The following CADM1 variants were observed in gnomAD, a reference collection of about 807,000 sequenced individuals.
CADM1 encodes the protein cell adhesion molecule 1.
A neutral mutation model predicts 53.1 loss-of-function variants in CADM1; 15 were observed. That is an observed-to-expected ratio of 0.28 (90% CI 0.19 to 0.44). The LOEUF (loss-of-function observed/expected upper bound fraction) is 0.44. Ranked by LOEUF, CADM1 falls within the 20% of genes least tolerant of loss-of-function variation. The probability of loss-of-function intolerance (pLI) is 1.00; values close to 1 mark genes in which losing one functional copy is unlikely to be tolerated. For missense variants in CADM1, 434 were observed against 611.3 expected, an observed-to-expected ratio of 0.71 and a Z score of 3.06; for synonymous variants, 281 against 243.0, an observed-to-expected ratio of 1.16 and a Z score of -1.45.
intron 1 of CADM1, among the ~76,000 whole-genome samples, chr11:115,476,576 A>G (rs1426661238): frequency 6.6e-6 from 1 of 152,190 alleles, no homozygotes; most frequent in Non-Finnish European, 1.5e-5. Flanking sequence ...GTGGTAGGAG[A>G]ACATGATCCT....
chr11:115,376,224 T>C (rs1297832179), intron 1 of CADM1, among the ~76,000 whole-genome samples: 1 of 152,164 alleles, frequency 6.6e-6, no homozygotes, highest in Non-Finnish European at 1.5e-5. Flanking sequence ...TGCTATAAGC[T>C]CTGGCTACCA....
chr11:115,327,322 A>G (rs1591711244), intron 1 of CADM1, among the ~76,000 whole-genome samples: 1 of 152,098 alleles, frequency 6.6e-6, no homozygotes, highest in Non-Finnish European at 1.5e-5. Context: ...CCATGCAGCC[A>G]ATTTTCCAGC....
intron 1 of CADM1, among the ~76,000 whole-genome samples, chr11:115,360,831 G>C (rs564409072): frequency 1.1e-4 from 16 of 152,014 alleles, no homozygotes; most frequent in Admixed American, 2.0e-4. Context: ...ATCTTACTAG[G>C]TTCCTAAAAC....
At chr11:115,309,994 A>C (rs1944487757) in intron 1 of CADM1, among the ~76,000 whole-genome samples, 1 of 152,152 alleles carries the variant, frequency 6.6e-6, no homozygotes, top group South Asian at 2.1e-4. Flanking sequence ...TTAATGCAGA[A>C]TGGCATGGTA....
intron 3 of CADM1, among the ~76,000 whole-genome samples, chr11:115,232,472 C>T (rs551555344): frequency 2.1e-4 from 32 of 152,196 alleles, no homozygotes; most frequent in African/African-American, 6.5e-4. Context: ...TCCAGTGCTC[C>T]AATTTTGGAA....
intron 1 of CADM1, among the ~76,000 whole-genome samples, chr11:115,305,582 C>T (rs763999582): frequency 1.6e-4 from 25 of 151,914 alleles, no homozygotes; most frequent in African/African-American, 4.3e-4. Context: ...CATTGGCTGG[C>T]CACAATGAAA....
intron 1 of CADM1, among the ~76,000 whole-genome samples, chr11:115,476,570 TAGG>T (rs1949136297): frequency 6.6e-6 from 1 of 152,190 alleles, no homozygotes; most frequent in South Asian, 2.1e-4. Context: ...CGCTGCGTGG[TAGG>T]AGAACATGAT....
At chr11:115,317,999 CA>C (rs1944717323) in intron 1 of CADM1, among the ~76,000 whole-genome samples, 1 of 151,780 alleles carries the variant, frequency 6.6e-6, no homozygotes, top group Non-Finnish European at 1.5e-5. Context: ...CACACACACA[CA>C]CACACACACA....
intron 1 of CADM1, among the ~76,000 whole-genome samples, chr11:115,351,280 T>A (rs1945729515): frequency 6.6e-6 from 1 of 152,208 alleles, no homozygotes; most frequent in Non-Finnish European, 1.5e-5. Context: ...AATATCTTTC[T>A]GTCATAGAAA....
intron 1 of CADM1, among the ~76,000 whole-genome samples, chr11:115,479,316 CATGT>C (rs1949206842): frequency 6.6e-6 from 1 of 152,000 alleles, no homozygotes. Flanking sequence ...TAAGAAATTT[CATGT>C]ATCCCCAAAA....
At chr11:115,407,482 C>T (rs1382788527) in intron 1 of CADM1, among the ~76,000 whole-genome samples, 2 of 152,020 alleles carry the variant, frequency 1.3e-5, no homozygotes, top group Non-Finnish European at 2.9e-5. Flanking sequence ...TAAGTGCTGC[C>T]AAAATGCCTA....
At chr11:115,476,436 T>G (rs1949133087) in intron 1 of CADM1, among the ~76,000 whole-genome samples, 1 of 152,206 alleles carries the variant, frequency 6.6e-6, no homozygotes, top group African/African-American at 2.4e-5. Context: ...TGTTTGTTTT[T>G]CCTCTGAGGC....
chr11:115,456,830 T>G (rs1948692978), intron 1 of CADM1, among the ~76,000 whole-genome samples: 1 of 152,170 alleles, frequency 6.6e-6, no homozygotes. Flanking sequence ...TCCAATTATA[T>G]TAATGTTAAG....
intron 1 of CADM1, among the ~76,000 whole-genome samples, chr11:115,282,266 T>C (rs1019902279): frequency 3.3e-5 from 5 of 152,184 alleles, no homozygotes; most frequent in African/African-American, 9.6e-5. Flanking sequence ...TTATGTAACA[T>C]GCTTAAGGAA....
intron 1 of CADM1, among the ~76,000 whole-genome samples, chr11:115,316,003 C>T (rs576682697): frequency 6.6e-6 from 1 of 152,260 alleles, no homozygotes; most frequent in African/African-American, 2.4e-5. Flanking sequence ...CCAGCTCCTC[C>T]TGTAGACAGG....
intron 1 of CADM1, among the ~76,000 whole-genome samples, chr11:115,325,024 G>A (rs1307947600): frequency 6.6e-6 from 1 of 152,106 alleles, no homozygotes; most frequent in African/African-American, 2.4e-5. Flanking sequence ...GAGCTCAACC[G>A]TGCCTATCAC....
intron 6 of CADM1, among the ~76,000 whole-genome samples, chr11:115,215,552 C>T (rs1244301666): frequency 1.3e-5 from 2 of 152,180 alleles, no homozygotes. Flanking sequence ...CCATGGCATG[C>T]ATTCCACATG....
chr11:115,314,078 G>C (rs1944596345), intron 1 of CADM1, among the ~76,000 whole-genome samples: 1 of 152,152 alleles, frequency 6.6e-6, no homozygotes. Flanking sequence ...GACTAGTCAT[G>C]AGTGACCATG....
In CADM1 at chr11:115,452,948, A is replaced by T. The variant is rs191005060; in HGVS notation, c.124+51323T>A. Reference sequence around the variant, plus strand: ...GGTATCATTGCTTTCTTGAAAGAAAAGCCAAACCTATAAGCATGTAATGCT... The same window carrying T: ...GGTATCATTGCTTTCTTGAAAGAAATGCCAAACCTATAAGCATGTAATGCT... On this transcript the variant is annotated intron_variant, in intron 1 of 11. Coordinates refer to ENST00000331581, the MANE Select transcript of CADM1 (RefSeq NM_001301043.2). 3.7e-3 allele frequency among the ~76,000 whole-genome samples: 564 copies of T among 152,306 alleles called. 5 individuals carry two copies. Among genetic ancestry groups the T allele is most frequent in the Non-Finnish European group, 4.5e-3 (305 of 68,042 alleles).
Sources: allele counts gnomAD v4.1 joint callset (sites outside exome capture counted in the v4.1 genomes callset), GRCh38; gene constraint gnomAD v4.1.1; transcripts MANE v1.5; gene names NCBI Gene and HGNC (gene_info 2026-07-23, HGNC 2026-07-21).